Variants in ZFPM2 observed in about 807,000 individuals in gnomAD.
The protein encoded by ZFPM2 is zinc finger protein ZFPM2.
A neutral mutation model predicts 98.6 loss-of-function variants in ZFPM2; 20 were observed. The observed-to-expected ratio is 0.20, with a 90% CI of 0.14 to 0.29. The LOEUF (loss-of-function observed/expected upper bound fraction) is 0.29, where lower values mean the gene tolerates loss of function less well. ZFPM2 is among the 10% of genes least tolerant of loss of function. ZFPM2 has a pLI of 1.00. For missense variants in ZFPM2, 1,310 were observed against 1,388.6 expected, an observed-to-expected ratio of 0.94 and a Z score of 0.90; for synonymous variants, 518 against 502.7, an observed-to-expected ratio of 1.03 and a Z score of -0.41.
At chr8:105,402,518 A>G (rs1196367437) in intron 1 of ZFPM2, among the ~76,000 whole-genome samples, 2 of 152,018 alleles carry the variant, frequency 1.3e-5, no homozygotes, top group Non-Finnish European at 2.9e-5. Flanking sequence ...ACCCGTCTTT[A>G]GAGAGGAATA....
At chr8:105,696,323 A>AAGTTCATAAGATCATAAGTCCACGAACT (rs1334631083) in intron 5 of ZFPM2, among the ~76,000 whole-genome samples, 16 of 152,308 alleles carry the variant, frequency 1.1e-4, no homozygotes, top group Non-Finnish European at 2.1e-4. Context: ...ACTTACCCTT[A>AAGTTCATAAGATCATAAGTCCACGAACT]TATGATCGTG....
At position 105,719,112 on chromosome 8, in the gene ZFPM2, A is replaced by G. The variant is rs559070748; in HGVS notation, c.533-69606A>G. On this transcript the variant is annotated intron_variant, in intron 5 of 7. Coordinates refer to ENST00000407775, the MANE Select transcript of ZFPM2 (RefSeq NM_012082.4). ...TTCTAGTTTTTTCTTTTAAAGAGGT[A>G]TACCTTTTTCATTGTGAAACATTCT... Among the ~76,000 whole-genome samples the G allele has an allele frequency of 3.3e-5, 5 of 152,056 alleles. No individual in the cohort carries two copies. In the South Asian group the frequency reaches 1.0e-3, roughly 32 times the overall value.
At chr8:105,771,250 T>G (rs962506255) in intron 5 of ZFPM2, among the ~76,000 whole-genome samples, 3 of 152,126 alleles carry the variant, frequency 2.0e-5, no homozygotes, top group Non-Finnish European at 4.4e-5. Flanking sequence ...CTTCTTCTTT[T>G]TCCTTTACTT....
intron 4 of ZFPM2, among the ~76,000 whole-genome samples, chr8:105,615,000 C>G (rs1348075903): frequency 6.6e-6 from 1 of 152,086 alleles, no homozygotes; most frequent in Non-Finnish European, 1.5e-5. Flanking sequence ...AACTATTAAA[C>G]TTTCTTCCAT....
In ZFPM2 at chr8:105,792,344, C is replaced by T. The variant is rs187317797; in HGVS notation, c.739+3420C>T. On this transcript the variant is annotated intron_variant, in intron 6 of 7. Transcript: ENST00000407775. Reference sequence around the variant, plus strand: ...CTTTATTTCTGCCTTCATTTCGTTACGTACCCAGTAGTCATTCAGGAGCAG... The same window carrying T: ...CTTTATTTCTGCCTTCATTTCGTTATGTACCCAGTAGTCATTCAGGAGCAG... Among the ~76,000 whole-genome samples, 405 of 152,188 alleles carry T rather than the reference C, an allele frequency of 2.7e-3. 3 individuals carry two copies. Among genetic ancestry groups the T allele is most frequent in the East Asian group, 7.9e-3 (41 of 5,180 alleles).
At chr8:105,542,180 A>T (rs1175110845) in intron 3 of ZFPM2, among the ~76,000 whole-genome samples, 1 of 152,166 alleles carries the variant, frequency 6.6e-6, no homozygotes, top group African/African-American at 2.4e-5. Context: ...GAGTAAAAAT[A>T]TCGTAATGTT....
chr8:105,521,067 C>T (rs1034953711), intron 3 of ZFPM2, among the ~76,000 whole-genome samples: 16 of 151,710 alleles, frequency 1.1e-4, no homozygotes, highest in African/African-American at 3.9e-4. Context: ...GTAGACTGAA[C>T]ATATGTGCCC....
At chr8:105,450,628 G>C (rs1277274605) in intron 3 of ZFPM2, among the ~76,000 whole-genome samples, 1 of 152,002 alleles carries the variant, frequency 6.6e-6, no homozygotes, top group Non-Finnish European at 1.5e-5. Flanking sequence ...TAAGAGCTCT[G>C]TACCACTATA....
intron 2 of ZFPM2, among the ~76,000 whole-genome samples, chr8:105,422,459 A>ATAG (rs1811815370): frequency 6.6e-6 from 1 of 151,860 alleles, no homozygotes; most frequent in Non-Finnish European, 1.5e-5. Flanking sequence ...AATAATAATA[A>ATAG]TAATAATATC....
chr8:105,714,321 C>T (rs1439160110), intron 5 of ZFPM2, among the ~76,000 whole-genome samples: 1 of 151,956 alleles, frequency 6.6e-6, no homozygotes, highest in Non-Finnish European at 1.5e-5. Context: ...TTTCTGTATC[C>T]TGAAACTTTA....
chr8:105,357,338 T>TC (rs1183783488), intron 1 of ZFPM2, among the ~76,000 whole-genome samples: 4 of 152,234 alleles, frequency 2.6e-5, no homozygotes, highest in Non-Finnish European at 5.9e-5. Context: ...CTGTATTTTT[T>TC]CTACATATAT....
At chr8:105,460,851 G>T (rs1359357285) in intron 3 of ZFPM2, among the ~76,000 whole-genome samples, 1 of 151,890 alleles carries the variant, frequency 6.6e-6, no homozygotes, top group East Asian at 1.9e-4. Context: ...CTTATTAAAT[G>T]TAACAATTAT....
chr8:105,596,594 AAGCTTCTTTTGT>A (rs1221296586), intron 4 of ZFPM2, among the ~76,000 whole-genome samples: 5 of 151,948 alleles, frequency 3.3e-5, no homozygotes, highest in African/African-American at 1.2e-4. Flanking sequence ...TTGGGATCTA[AAGCTTCTTTTGT>A]GTATCAGTGG....
At chr8:105,610,888 A>G (rs1816296295) in intron 4 of ZFPM2, among the ~76,000 whole-genome samples, 1 of 152,188 alleles carries the variant, frequency 6.6e-6, no homozygotes, top group Admixed American at 6.5e-5. Flanking sequence ...GCTGCTGCCA[A>G]TTAGTGACAA....
intron 4 of ZFPM2, among the ~76,000 whole-genome samples, chr8:105,624,516 A>G (rs1247339496): frequency 6.6e-6 from 1 of 152,196 alleles, no homozygotes; most frequent in Non-Finnish European, 1.5e-5. Flanking sequence ...TATAATAAAT[A>G]TCTGAATAGC....
chr8:105,391,816 C>G (rs1397733395), intron 1 of ZFPM2, among the ~76,000 whole-genome samples: 2 of 152,200 alleles, frequency 1.3e-5, no homozygotes, highest in Non-Finnish European at 2.9e-5. Flanking sequence ...CAGCTAAAGT[C>G]TTGAACTCCT....
intron 4 of ZFPM2, among the ~76,000 whole-genome samples, chr8:105,612,727 T>C (rs1054749821): frequency 2.4e-4 from 36 of 152,350 alleles, no homozygotes; most frequent in Middle Eastern, 3.4e-3. Context: ...TGTGAACTTT[T>C]CTGTCTCCCT....
chr8:105,638,330 G>A (rs1816888310), intron 5 of ZFPM2, among the ~76,000 whole-genome samples: 1 of 152,036 alleles, frequency 6.6e-6, no homozygotes, highest in African/African-American at 2.4e-5. Context: ...AGGAGAGGTA[G>A]TTCCCTAAAT....
At chr8:105,468,221 C>T (rs1231207100) in intron 3 of ZFPM2, among the ~76,000 whole-genome samples, 2 of 151,962 alleles carry the variant, frequency 1.3e-5, no homozygotes, top group African/African-American at 4.8e-5. Flanking sequence ...TCCCTCAGGA[C>T]TCTTCCCAGG....
Sources: gnomAD v4.1 joint callset for allele counts (sites outside exome capture counted in the v4.1 genomes callset) on GRCh38, gnomAD v4.1.1 for gene constraint, MANE v1.5 for transcripts, NCBI Gene and HGNC (gene_info 2026-07-23, HGNC 2026-07-21) for gene names.